Variants in DLG2 observed in about 807,000 individuals in gnomAD.
The protein encoded by DLG2 is discs large MAGUK scaffold protein 2.
DLG2 carries 45 observed loss-of-function variants against 132.5 expected under a neutral mutation model. The observed-to-expected ratio is 0.34, with a 90% CI of 0.27 to 0.44. The LOEUF (loss-of-function observed/expected upper bound fraction) is 0.44, where lower values mean the gene tolerates loss of function less well. Ranked by LOEUF, DLG2 falls within the 20% of genes least tolerant of loss-of-function variation. The probability of loss-of-function intolerance (pLI) is 1.00; values close to 1 mark genes in which losing one functional copy is unlikely to be tolerated. For synonymous variants in DLG2, 424 were observed against 419.6 expected (o/e 1.01, Z -0.13); for missense variants, 1,045 against 1,196.9 (o/e 0.87, Z 1.87).
chr11:85,130,426 C>G (rs1281864655), intron 5 of DLG2, among the ~76,000 whole-genome samples: 1 of 151,874 alleles, frequency 6.6e-6, no homozygotes, highest in Non-Finnish European at 1.5e-5. Context: ...GCCAAGGGGA[C>G]AGTGAGGGAC....
At chr11:85,586,720 A>G (rs982285852) in intron 3 of DLG2, among the ~76,000 whole-genome samples, 2 of 151,300 alleles carry the variant, frequency 1.3e-5, no homozygotes, top group African/African-American at 4.9e-5. Flanking sequence ...GATCTTTGTT[A>G]CTTATTTTTT....
chr11:84,777,918 T>A (rs907410608), intron 6 of DLG2, among the ~76,000 whole-genome samples: 5 of 152,132 alleles, frequency 3.3e-5, no homozygotes, highest in Admixed American at 6.6e-5. Context: ...GTTCACTCTG[T>A]CAATTATTTC....
At chr11:83,623,284 G>A (rs2061935401) in intron 19 of DLG2, among the ~76,000 whole-genome samples, 1 of 151,968 alleles carries the variant, frequency 6.6e-6, no homozygotes, top group Non-Finnish European at 1.5e-5. Context: ...TACCAAATAG[G>A]GTTCCATATT....
intron 6 of DLG2, among the ~76,000 whole-genome samples, chr11:84,705,864 A>T (rs1162128307): frequency 1.3e-5 from 2 of 151,850 alleles, no homozygotes; most frequent in Non-Finnish European, 2.9e-5. Context: ...AAATAATTAA[A>T]CAATAGATTA....
intron 17 of DLG2, among the ~76,000 whole-genome samples, chr11:83,821,418 AT>A (rs200304975): frequency 1.6e-4 from 25 of 152,166 alleles, no homozygotes; most frequent in East Asian, 1.5e-3. Flanking sequence ...CTTATTATGG[AT>A]TTTTTTTAGA....
chr11:85,368,963 G>A (rs376839339), intron 3 of DLG2, among the ~76,000 whole-genome samples: 9 of 152,308 alleles, frequency 5.9e-5, no homozygotes, highest in African/African-American at 2.2e-4. Context: ...AAGAGTCCCT[G>A]ATTCCCCAGA....
At chr11:85,533,053 TCA>T (rs1565646572) in intron 3 of DLG2, among the ~76,000 whole-genome samples, 1 of 152,002 alleles carries the variant, frequency 6.6e-6, no homozygotes, top group Non-Finnish European at 1.5e-5. Context: ...AGACGGAGTC[TCA>T]GTCTATCACT....
At chr11:83,979,864 C>T (rs577524941) in intron 12 of DLG2, among the ~76,000 whole-genome samples, 1 of 152,130 alleles carries the variant, frequency 6.6e-6, no homozygotes, top group Non-Finnish European at 1.5e-5. Flanking sequence ...ATAGTAATTG[C>T]TCTCCCTAAT....
intron 3 of DLG2, among the ~76,000 whole-genome samples, chr11:85,399,417 T>C (rs1211430268): frequency 6.6e-6 from 1 of 152,084 alleles, no homozygotes; most frequent in Admixed American, 6.5e-5. Flanking sequence ...CTTCACAGAA[T>C]TGGAAAAAAC....
At chr11:83,555,308 A>G (rs1279071722) in intron 19 of DLG2, among the ~76,000 whole-genome samples, 1 of 152,260 alleles carries the variant, frequency 6.6e-6, no homozygotes, top group East Asian at 1.9e-4. Flanking sequence ...TTTTAGAGTA[A>G]TGGGAAGCCT....
intron 19 of DLG2, among the ~76,000 whole-genome samples, chr11:83,619,320 C>G (rs552981105): frequency 6.6e-6 from 1 of 152,206 alleles, no homozygotes; most frequent in Non-Finnish European, 1.5e-5. Context: ...ATAGAACTTG[C>G]TTTAACAATT....
intron 19 of DLG2, among the ~76,000 whole-genome samples, chr11:83,559,370 T>C (rs561763875): frequency 6.6e-6 from 1 of 152,278 alleles, no homozygotes; most frequent in African/African-American, 2.4e-5. Context: ...GTTGTTCCTG[T>C]TGTGTGTATC....
chr11:84,739,702 A>G (rs2064336991), intron 6 of DLG2, among the ~76,000 whole-genome samples: 1 of 152,154 alleles, frequency 6.6e-6, no homozygotes, highest in Non-Finnish European at 1.5e-5. Flanking sequence ...TAGAATTTCC[A>G]TTTTTCCTCA....
At chr11:85,623,631 G>A (rs2081880510) in intron 2 of DLG2, among the ~76,000 whole-genome samples, 2 of 152,054 alleles carry the variant, frequency 1.3e-5, no homozygotes, top group Admixed American at 1.3e-4. Flanking sequence ...ACACTGAAAT[G>A]AAATGAACAT....
intron 6 of DLG2, among the ~76,000 whole-genome samples, chr11:84,535,965 A>ATATATATATATATATATATAT (rs1209865425): frequency 4.0e-5 from 6 of 151,458 alleles, no homozygotes; most frequent in African/African-American, 7.3e-5. Flanking sequence ...ATATATATAT[A>ATATATATATATATATATATAT]AAACTTCTAG....
intron 6 of DLG2, among the ~76,000 whole-genome samples, chr11:84,831,391 T>C (rs974819353): frequency 6.6e-5 from 10 of 151,604 alleles, no homozygotes; most frequent in Admixed American, 1.3e-4. Flanking sequence ...GTTATATCAT[T>C]AGATTTTCTC....
At chr11:83,663,349 G>A (rs192768356) in intron 18 of DLG2, among the ~76,000 whole-genome samples, 40 of 152,166 alleles carry the variant, frequency 2.6e-4, no homozygotes, top group African/African-American at 8.4e-4. Flanking sequence ...AATATACCAC[G>A]TTGCTGTCAA....
At chr11:85,014,526 T>C (rs538908065) in intron 6 of DLG2, among the ~76,000 whole-genome samples, 21 of 152,172 alleles carry the variant, frequency 1.4e-4, no homozygotes, top group Non-Finnish European at 2.4e-4. Flanking sequence ...CTCTTTACTA[T>C]AGAGGGAGGG....
At chr11:85,075,699 C>A (rs547419438) in intron 6 of DLG2, among the ~76,000 whole-genome samples, 1 of 151,794 alleles carries the variant, frequency 6.6e-6, no homozygotes, top group African/African-American at 2.4e-5. Flanking sequence ...CATATACTCC[C>A]AAAAATATAT....
Sources: gnomAD v4.1 joint callset for allele counts (sites outside exome capture counted in the v4.1 genomes callset) on GRCh38, gnomAD v4.1.1 for gene constraint, MANE v1.5 for transcripts, NCBI Gene and HGNC (gene_info 2026-07-23, HGNC 2026-07-21) for gene names.